Variants in ABCC5 observed in about 807,000 individuals in gnomAD.
ABCC5 encodes the protein ATP binding cassette subfamily C member 5, also known as ATP-binding cassette sub-family C member 5.
Under a neutral mutation model 160.9 loss-of-function variants are expected in ABCC5, and 61 were observed. That is an observed-to-expected ratio of 0.38 (90% CI 0.31 to 0.47). The LOEUF is 0.47. ABCC5 is among the 20% of genes least tolerant of loss of function. The probability of loss-of-function intolerance (pLI) is 0.99; values close to 1 mark genes in which losing one functional copy is unlikely to be tolerated. For missense variants in ABCC5, 1,308 were observed against 1,813.3 expected, an observed-to-expected ratio of 0.72 and a Z score of 5.06; for synonymous variants, 666 against 700.6, an observed-to-expected ratio of 0.95 and a Z score of 0.78.
chr3:183,961,626 A>T lies in ABCC5; in HGVS notation c.2264T>A (p.Phe755Tyr). The change falls in exon 16 of 30, where the codon TTC becomes TAC. Residue 755 changes from phenylalanine (F) to tyrosine (Y), a missense_variant. Coordinates refer to ENST00000334444, the MANE Select transcript of ABCC5 (RefSeq NM_005688.4). ...QYLVDCDEVI[F>Y]MKEGCITERG... is the part of the protein sequence containing the mutation. ...TTCCGTAATACAGCCCTCTTTCATG[A>T]AGATCACTTCATCACAGTCAACCAG... is the stretch of plus-strand genomic sequence containing the variant. 1 of 1,614,222 alleles carries T rather than the reference A, an allele frequency of 6.2e-7. No homozygotes were observed. The highest frequency in any genetic ancestry group is 8.5e-7 in the Non-Finnish European group (1 of 1,180,030).
chr3:184,012,085 A>G (rs1195256835), intron 2 of ABCC5, among the ~76,000 whole-genome samples: 3 of 152,070 alleles, frequency 2.0e-5, no homozygotes, highest in Middle Eastern at 3.4e-3. Context: ...CCTAAAGTCA[A>G]TGGATTGTAT....
intron 15 of ABCC5, among the ~76,000 whole-genome samples, chr3:183,962,887 C>T (rs1019363387): frequency 1.1e-4 from 17 of 152,136 alleles, no homozygotes; most frequent in African/African-American, 3.6e-4. Flanking sequence ...TAAATTTACA[C>T]CCTTTCACTG....
chr3:183,983,733 C>T (rs1718948206), intron 5 of ABCC5: 1 of 985,624 alleles, frequency 1.0e-6, no homozygotes, highest in South Asian at 4.7e-5. Flanking sequence ...CATTCAGCAA[C>T]AGTATTAAAT....
intron 18 of ABCC5, among the ~76,000 whole-genome samples, chr3:183,952,786 G>A (rs1222823805): frequency 6.6e-6 from 1 of 152,094 alleles, no homozygotes; most frequent in Non-Finnish European, 1.5e-5. Context: ...TCTTTCCTTT[G>A]TCAAGTACCC....
At chr3:183,976,663 A>G (rs568517975) in intron 10 of ABCC5, among the ~76,000 whole-genome samples, 2 of 152,238 alleles carry the variant, frequency 1.3e-5, no homozygotes, top group African/African-American at 4.8e-5. Flanking sequence ...AGAAAATCCA[A>G]TTTGTTTTCT....
chr3:183,931,224 T>C (rs918991102), intron 26 of ABCC5, among the ~76,000 whole-genome samples: 3 of 151,744 alleles, frequency 2.0e-5, no homozygotes, highest in East Asian at 1.9e-4. Flanking sequence ...AGTGAAACCA[T>C]GGAGAAGCGA....
At position 183,971,840 on chromosome 3, in the gene ABCC5, G is replaced by T; in HGVS notation, c.1484C>A (p.Ala495Asp). ...SPHIKIEMKNATLAWDSSHSS... is the reference protein window; with the variant it reads ...SPHIKIEMKNDTLAWDSSHSS... ...GTGGGAGGAGTCCCATGCCAAGGTG[G>T]CATTTTTCATCTCTATCTTGATGTG... is the stretch of plus-strand genomic sequence containing the variant. Residue 495 changes from alanine (A) to aspartate (D), a missense_variant, in exon 11 of 30, where the codon GCC (alanine) becomes GAC (aspartate). Physicochemically the swap from Ala to Asp is moderately radical, Grantham distance 126. Transcript: ENST00000334444. The T allele has an allele frequency of 6.2e-7, 1 of 1,614,090 alleles. No individual in the cohort carries two copies. The highest frequency in any genetic ancestry group is 8.5e-7 in the Non-Finnish European group (1 of 1,180,028).
At chr3:183,977,494 G>A in intron 10 of ABCC5, 23 bp downstream of exon 10, 3 of 1,546,446 alleles carry the variant, frequency 1.9e-6, no homozygotes, top group Non-Finnish European at 2.7e-6. Flanking sequence ...CCTGACACGG[G>A]GGCAGGGGAA....
chr3:183,965,328 T>A, intron 13 of ABCC5, 49 bp downstream of exon 13: 1 of 1,614,106 alleles, frequency 6.2e-7, no homozygotes. Flanking sequence ...CTGCCTTGCA[T>A]CTCACGCGGC....
At chr3:183,971,188 A>C (rs1386127477) in intron 11 of ABCC5, among the ~76,000 whole-genome samples, 1 of 152,230 alleles carries the variant, frequency 6.6e-6, no homozygotes, top group Non-Finnish European at 1.5e-5. Flanking sequence ...GAGAATACCT[A>C]TCATGTGCCA....
At chr3:183,962,063 T>C (rs1716797195) in intron 15 of ABCC5, among the ~76,000 whole-genome samples, 1 of 152,150 alleles carries the variant, frequency 6.6e-6, no homozygotes, top group Non-Finnish European at 1.5e-5. Context: ...GAGACATTTT[T>C]GGTTGTCACA....
intron 2 of ABCC5, among the ~76,000 whole-genome samples, chr3:183,995,296 C>T (rs1039432868): frequency 3.3e-5 from 5 of 152,172 alleles, no homozygotes; most frequent in Non-Finnish European, 7.3e-5. Context: ...ATTTTGAAGT[C>T]TAATTTACCA....
intron 2 of ABCC5, among the ~76,000 whole-genome samples, chr3:184,012,363 C>A (rs1721828740): frequency 6.6e-6 from 1 of 152,060 alleles, no homozygotes; most frequent in Non-Finnish European, 1.5e-5. Context: ...ATGCCCTGAA[C>A]AACTAGTTCT....
intron 24 of ABCC5, among the ~76,000 whole-genome samples, chr3:183,943,211 A>G (rs1714530792): frequency 6.6e-6 from 1 of 152,326 alleles, no homozygotes; most frequent in African/African-American, 2.4e-5. Context: ...CTTGGGGGCC[A>G]AAGGAAAACC....
chr3:183,985,872 A>G, intron 5 of ABCC5: 1 of 185,556 alleles, frequency 5.4e-6, no homozygotes, highest in Non-Finnish European at 1.1e-5. Flanking sequence ...AACAAACAGA[A>G]CACAACAACT....
chr3:183,962,314 G>A (rs6767013), intron 15 of ABCC5, among the ~76,000 whole-genome samples: 95,498 of 151,884 alleles, frequency 0.63, 30,985 homozygotes, highest in East Asian at 0.85. Flanking sequence ...GAATGGTTGT[G>A]TGGAAACCAT....
In ABCC5 at chr3:183,996,447, G is replaced by A. The variant is rs566323944; in HGVS notation, c.130-7064C>T. ...ATTTTTAAAATCCTCTGATTGCATGGTTTTTGTTCTTTTTACTATATATAA... is the reference window on the plus strand; with the variant it reads ...ATTTTTAAAATCCTCTGATTGCATGATTTTTGTTCTTTTTACTATATATAA... On this transcript the variant is annotated intron_variant, in intron 2 of 29. Transcript: ENST00000334444. 2.6e-5 allele frequency among the ~76,000 whole-genome samples: 4 copies of A among 152,210 alleles called. No homozygotes were observed. In the South Asian group the frequency reaches 8.3e-4, roughly 32 times the overall value.
chr3:183,950,692 C>T (rs1286575562), intron 20 of ABCC5, among the ~76,000 whole-genome samples: 3 of 152,122 alleles, frequency 2.0e-5, no homozygotes, highest in African/African-American at 4.8e-5. Context: ...TGAGCACATG[C>T]GTGTGTGTTT....
intron 2 of ABCC5, among the ~76,000 whole-genome samples, chr3:184,013,029 G>A (rs1721885433): frequency 6.6e-6 from 1 of 152,114 alleles, no homozygotes; most frequent in Non-Finnish European, 1.5e-5. Flanking sequence ...AGTCCATTCT[G>A]CCTTATTAGG....
Sources: gnomAD v4.1 joint callset for allele counts (sites outside exome capture counted in the v4.1 genomes callset) on GRCh38, gnomAD v4.1.1 for gene constraint, MANE v1.5 for transcripts, NCBI Gene and HGNC (gene_info 2026-07-23, HGNC 2026-07-21) for gene names.